Variants in NUCB2 observed in about 807,000 individuals in gnomAD.
NUCB2 encodes the protein nucleobindin-2.
A neutral mutation model predicts 57.9 loss-of-function variants in NUCB2; 48 were observed. The observed-to-expected ratio is 0.83, with a 90% confidence interval of 0.66 to 1.05. The LOEUF is 1.05. Among genes scored for constraint, NUCB2 ranks in the 50% least tolerant of loss-of-function variants. The pLI is 0.00. For synonymous variants in NUCB2, 139 were observed against 152.1 expected, an observed-to-expected ratio of 0.91 and a Z score of 0.64; for missense variants, 442 against 476.2, an observed-to-expected ratio of 0.93 and a Z score of 0.67.
At chr11:17,341,586 G>A (rs2139622717) in intron 2 of NUCB2, among the ~76,000 whole-genome samples, 2 of 152,278 alleles carry the variant, frequency 1.3e-5, no homozygotes, top group Non-Finnish European at 2.9e-5. Context: ...TGTGGTTTTT[G>A]TCGTTGGTTC....
At chr11:17,296,933 C>CTAT (rs1288779820) in intron 4 of NUCB2, among the ~76,000 whole-genome samples, 2 of 152,048 alleles carry the variant, frequency 1.3e-5, no homozygotes, top group Middle Eastern at 3.2e-3. Context: ...AGATAATGGG[C>CTAT]TATGTATTAT....
At chr11:17,340,244 T>C (rs1323568790) in intron 2 of NUCB2, among the ~76,000 whole-genome samples, 1 of 152,258 alleles carries the variant, frequency 6.6e-6, no homozygotes, top group East Asian at 1.9e-4. Context: ...AGATTCTGGA[T>C]ATTAGCCCTT....
downstream of NUCB2, among the ~76,000 whole-genome samples, chr11:17,336,530 G>A (rs538668520): frequency 1.8e-4 from 28 of 151,480 alleles, no homozygotes; most frequent in South Asian, 3.3e-3. Context: ...CGAGGCGGGC[G>A]GATCACGAGG....
intron 11 of NUCB2, among the ~76,000 whole-genome samples, chr11:17,315,684 TG>T (rs1463950370): frequency 6.6e-6 from 1 of 152,194 alleles, no homozygotes; most frequent in Admixed American, 6.6e-5. Context: ...TGCATAAAAT[TG>T]GAAGTCTTTT....
intron 10 of NUCB2, among the ~76,000 whole-genome samples, chr11:17,312,554 C>G (rs1030668834): frequency 3.3e-5 from 5 of 152,012 alleles, no homozygotes; most frequent in Admixed American, 6.6e-5. Flanking sequence ...AGGCACCCAC[C>G]ACCACACCTA....
intron 1 of NUCB2, among the ~76,000 whole-genome samples, chr11:17,281,372 A>AAG (rs1365096104): frequency 6.6e-6 from 1 of 152,068 alleles, no homozygotes; most frequent in Non-Finnish European, 1.5e-5. Context: ...CACCCGCCTC[A>AAG]GCCTTTCAAA....
rs1565486946 is a variant in NUCB2, at chr11:17,341,282, C to T, written n.2626+3748C>T. ...GCAAACAGGGACAATTTGACTTCCT[C>T]TTTTCCTAATTGAATACCCTTTATT... On this transcript the variant is annotated intron_variant and non_coding_transcript_variant, in intron 2 of 2. Transcript: ENST00000532240. Among the ~76,000 whole-genome samples, 5 of 152,124 alleles carry T rather than the reference C, an allele frequency of 3.3e-5. No homozygotes were observed. The South Asian group carries it at 8.3e-4, about 25-fold the overall frequency.
intron 1 of NUCB2, among the ~76,000 whole-genome samples, chr11:17,279,023 T>C (rs891197482): frequency 2.6e-5 from 4 of 152,134 alleles, no homozygotes; most frequent in African/African-American, 4.8e-5. Context: ...TGAAACCCCG[T>C]CTTTACTAAA....
chr11:17,336,856 G>A (rs1383932430), downstream of NUCB2, among the ~76,000 whole-genome samples: 1 of 145,424 alleles, frequency 6.9e-6, no homozygotes, highest in African/African-American at 2.5e-5. Flanking sequence ...ATGTACAATT[G>A]AACAGATTTG....
At chr11:17,294,865 G>C (rs1945553584) in intron 2 of NUCB2, among the ~76,000 whole-genome samples, 2 of 151,956 alleles carry the variant, frequency 1.3e-5, no homozygotes, top group Non-Finnish European at 2.9e-5. Context: ...CTGACCAAAA[G>C]AGAGAAACCC....
chr11:17,290,712 G>A (rs892960017), intron 2 of NUCB2, among the ~76,000 whole-genome samples: 1 of 151,960 alleles, frequency 6.6e-6, no homozygotes, highest in African/African-American at 2.4e-5. Context: ...CATGATATAA[G>A]ATTTTCATGT....
chr11:17,277,851 T>C (rs2137736640), intron 1 of NUCB2, among the ~76,000 whole-genome samples: 1 of 152,326 alleles, frequency 6.6e-6, no homozygotes, highest in South Asian at 2.1e-4. Context: ...TTTTTGTTTT[T>C]TGAAACTTGA....
In NUCB2 at chr11:17,347,787, A is replaced by G. The variant is rs188394099; in HGVS notation, n.2627-1558A>G. Among the ~76,000 whole-genome samples, 626 of 152,142 alleles carry G rather than the reference A, an allele frequency of 4.1e-3. 6 individuals are homozygous for G. Among genetic ancestry groups the G allele is most frequent in the African/African-American group, 0.013 (536 of 41,502 alleles). ...TCTTTCATGACATTTACATTTTTTG[A>G]GAGTACAGGTCATTTGTTTTATAGA... On this transcript the variant is annotated intron_variant and non_coding_transcript_variant, in intron 2 of 2. Coordinates refer to the NUCB2 transcript ENST00000532240.
At chr11:17,326,761 A>G (rs1483015054) in intron 11 of NUCB2, among the ~76,000 whole-genome samples, 5 of 152,134 alleles carry the variant, frequency 3.3e-5, no homozygotes, top group African/African-American at 1.2e-4. Flanking sequence ...ACAGTGTTAT[A>G]CTATTCTGTG....
At chr11:17,292,656 C>G (rs1945130266) in intron 2 of NUCB2, among the ~76,000 whole-genome samples, 1 of 152,200 alleles carries the variant, frequency 6.6e-6, no homozygotes, top group African/African-American at 2.4e-5. Context: ...TGGAGTCAGT[C>G]ACTCCCAGGT....
intron 5 of NUCB2, among the ~76,000 whole-genome samples, chr11:17,309,047 C>A (rs1432788875): frequency 6.6e-6 from 1 of 152,078 alleles, no homozygotes; most frequent in Admixed American, 6.6e-5. Context: ...GGCATGGTGG[C>A]TCATGCCTGT....
chr11:17,339,687 A>C (rs1438249791), intron 2 of NUCB2, among the ~76,000 whole-genome samples: 1 of 151,762 alleles, frequency 6.6e-6, no homozygotes, highest in Non-Finnish European at 1.5e-5. Context: ...TGAACTCATC[A>C]TTTTTTATGG....
chr11:17,347,248 T>G (rs921943425), intron 2 of NUCB2, among the ~76,000 whole-genome samples: 1 of 152,192 alleles, frequency 6.6e-6, no homozygotes, highest in Non-Finnish European at 1.5e-5. Context: ...AGTTTCCCAT[T>G]TTGAGTTTCT....
At chr11:17,325,467 T>C (rs1168281629) in intron 11 of NUCB2, among the ~76,000 whole-genome samples, 2 of 152,234 alleles carry the variant, frequency 1.3e-5, no homozygotes, top group African/African-American at 4.8e-5. Flanking sequence ...TTGACCTCTG[T>C]TTTGTCTGAT....
Sources: allele counts gnomAD v4.1 joint callset (sites outside exome capture counted in the v4.1 genomes callset), GRCh38; gene constraint gnomAD v4.1.1; transcripts MANE v1.5; gene names NCBI Gene and HGNC (gene_info 2026-07-23, HGNC 2026-07-21).